MGAT4C: variants seen among roughly 807,000 people sequenced by gnomAD.
MGAT4C encodes the protein MGAT4 family member C.
In MGAT4C, 19 loss-of-function variants were observed where a neutral mutation model predicts 40.1. The observed-to-expected ratio is 0.47, with a 90% CI of 0.33 to 0.70. The LOEUF is 0.70. Ranked by LOEUF, MGAT4C falls within the 30% of genes least tolerant of loss-of-function variation. MGAT4C has a pLI of 0.02. For synonymous variants in MGAT4C, 181 were observed against 187.1 expected (o/e 0.97, Z 0.27); for missense variants, 491 against 563.2 (o/e 0.87, Z 1.30).
At chr12:86,007,203 T>C (rs1420948312) in intron 2 of MGAT4C, among the ~76,000 whole-genome samples, 2 of 152,162 alleles carry the variant, frequency 1.3e-5, no homozygotes, top group African/African-American at 4.8e-5. Flanking sequence ...AGAATTTTAC[T>C]TACATACATG....
intron 1 of MGAT4C, among the ~76,000 whole-genome samples, chr12:86,233,273 A>G (rs1035186909): frequency 1.3e-5 from 2 of 152,198 alleles, no homozygotes; most frequent in African/African-American, 4.8e-5. Flanking sequence ...GTAAATTCAT[A>G]TGATGAAGTA....
intron 1 of MGAT4C, among the ~76,000 whole-genome samples, chr12:86,771,714 GTGTGTGTGTA>G (rs1409500174): frequency 4.0e-4 from 60 of 149,972 alleles, no homozygotes; most frequent in African/African-American, 1.4e-3. Flanking sequence ...GTGTGTGTGT[GTGTGTGTGTA>G]TGTGTGTGTG....
chr12:86,340,696 C>T (rs1376463134), intron 3 of MGAT4C, among the ~76,000 whole-genome samples: 1 of 152,066 alleles, frequency 6.6e-6, no homozygotes, highest in African/African-American at 2.4e-5. Flanking sequence ...ATTGATGACT[C>T]TTTGGAAATA....
intron 2 of MGAT4C, among the ~76,000 whole-genome samples, chr12:86,541,579 C>T (rs1247105993): frequency 6.6e-6 from 1 of 152,090 alleles, no homozygotes; most frequent in Admixed American, 6.6e-5. Context: ...TAATCAATTG[C>T]TTGACAAGTC....
At chr12:86,660,961 C>A (rs1198427101) in intron 2 of MGAT4C, among the ~76,000 whole-genome samples, 1 of 152,174 alleles carries the variant, frequency 6.6e-6, no homozygotes, top group Non-Finnish European at 1.5e-5. Context: ...GTGACATCTG[C>A]ATGGTGATTC....
chr12:86,779,149 G>A (rs1249693774), intron 1 of MGAT4C, among the ~76,000 whole-genome samples: 1 of 151,828 alleles, frequency 6.6e-6, no homozygotes, highest in Non-Finnish European at 1.5e-5. Context: ...TCTAAACTTA[G>A]GACTCTTCCC....
intron 2 of MGAT4C, among the ~76,000 whole-genome samples, chr12:86,580,356 G>A (rs909912671): frequency 2.0e-5 from 3 of 151,388 alleles, no homozygotes; most frequent in African/African-American, 7.3e-5. Context: ...TAGCTTGACA[G>A]GGATAAGAAT....
At chr12:86,357,316 T>C (rs1479896860) in intron 3 of MGAT4C, among the ~76,000 whole-genome samples, 1 of 152,048 alleles carries the variant, frequency 6.6e-6, no homozygotes, top group South Asian at 2.1e-4. Context: ...CAAAACCCCA[T>C]CTGTACGTCA....
chr12:86,218,543 T>A (rs947320953), intron 1 of MGAT4C, among the ~76,000 whole-genome samples: 4 of 152,184 alleles, frequency 2.6e-5, no homozygotes, highest in Non-Finnish European at 5.9e-5. Context: ...TAAACCTTTT[T>A]TGAGTTCTAT....
chr12:86,189,934 G>C (rs1349357068), intron 1 of MGAT4C, among the ~76,000 whole-genome samples: 1 of 151,914 alleles, frequency 6.6e-6, no homozygotes, highest in Non-Finnish European at 1.5e-5. Context: ...GCACCCCCTT[G>C]TTCATATTTA....
At chr12:86,774,293 T>TTCTTTCTTTC (rs1951696169) in intron 1 of MGAT4C, among the ~76,000 whole-genome samples, 2 of 30,704 alleles carry the variant, frequency 6.5e-5, no homozygotes, top group Admixed American at 4.8e-4. Context: ...CTTTCTTTCT[T>TTCTTTCTTTC]TCTTTCTTTC....
intron 1 of MGAT4C, among the ~76,000 whole-genome samples, chr12:86,763,012 C>A (rs984095947): frequency 1.3e-5 from 2 of 152,172 alleles, no homozygotes; most frequent in East Asian, 1.9e-4. Context: ...TACCTTATTG[C>A]ATTTTCTGAT....
chr12:86,297,541 A>T (rs895312967), intron 4 of MGAT4C, among the ~76,000 whole-genome samples: 5 of 152,210 alleles, frequency 3.3e-5, no homozygotes, highest in African/African-American at 9.6e-5. Flanking sequence ...AAGAAACAAA[A>T]TCTGAGTGTA....
intron 4 of MGAT4C, among the ~76,000 whole-genome samples, chr12:86,315,281 T>G (rs545054265): frequency 6.6e-6 from 1 of 152,222 alleles, no homozygotes; most frequent in Admixed American, 6.5e-5. Flanking sequence ...CCTGATTAAA[T>G]AAATGGTACT....
At chr12:86,324,421 T>C (rs1365155031) in intron 4 of MGAT4C, among the ~76,000 whole-genome samples, 1 of 151,932 alleles carries the variant, frequency 6.6e-6, no homozygotes, top group African/African-American at 2.4e-5. Context: ...TAATTAAATA[T>C]ATTCTACATT....
At chr12:86,497,893 AATATAT>A (rs71078904) in intron 2 of MGAT4C, among the ~76,000 whole-genome samples, 4 of 133,894 alleles carry the variant, frequency 3.0e-5, no homozygotes, top group Admixed American at 8.0e-5. Context: ...GAAATTCCTA[AATATAT>A]ATATATATAT....
chr12:86,085,452 A>AT (rs1362886922), intron 1 of MGAT4C, among the ~76,000 whole-genome samples: 8 of 152,238 alleles, frequency 5.3e-5, no homozygotes, highest in Admixed American at 4.6e-4. Context: ...ACCATTTATT[A>AT]AATAGGGAAT....
intron 1 of MGAT4C, among the ~76,000 whole-genome samples, chr12:86,818,436 G>A (rs978233062): frequency 6.6e-6 from 1 of 151,186 alleles, no homozygotes; most frequent in Non-Finnish European, 1.5e-5. Flanking sequence ...GAAGCAGAGA[G>A]GGATAAGGTA....
chr12:86,020,721 C>A (rs1272828858), intron 2 of MGAT4C, among the ~76,000 whole-genome samples: 1 of 152,158 alleles, frequency 6.6e-6, no homozygotes. Context: ...GCAACAAAAG[C>A]CAACATTGAC....
Sources: gnomAD v4.1 joint callset for allele counts (sites outside exome capture counted in the v4.1 genomes callset) on GRCh38, gnomAD v4.1.1 for gene constraint, MANE v1.5 for transcripts, NCBI Gene and HGNC (gene_info 2026-07-23, HGNC 2026-07-21) for gene names.